The following TTF1 variants were observed in gnomAD, a reference collection of about 807,000 sequenced individuals.
TTF1 encodes the protein transcription termination factor 1.
A neutral mutation model predicts 80.2 loss-of-function variants in TTF1; 64 were observed. That is an observed-to-expected ratio of 0.80 (90% confidence interval 0.65 to 0.98). The LOEUF is 0.98. Ranked by LOEUF, TTF1 falls within the 50% of genes least tolerant of loss-of-function variation. TTF1 has a pLI of 0.00. For missense variants in TTF1, 1,023 were observed against 1,086.2 expected, an observed-to-expected ratio of 0.94 and a Z score of 0.82; for synonymous variants, 372 against 382.7, an observed-to-expected ratio of 0.97 and a Z score of 0.33.
intron 6 of TTF1, 123 bp from the exon 7 acceptor site, chr9:132,390,954 TAAAAC>T (rs1242219792): frequency 8.5e-6 from 7 of 825,448 alleles, no homozygotes; most frequent in East Asian, 2.5e-5. Context: ...TATATAGACA[TAAAAC>T]AAACACAATT....
At chr9:132,404,926 C>G (rs1849836337) in intron 1 of TTF1, among the ~76,000 whole-genome samples, 1 of 152,062 alleles carries the variant, frequency 6.6e-6, no homozygotes, top group African/African-American at 2.4e-5. Flanking sequence ...TGCTCTGTCG[C>G]CCAGGCTGGA....
At chr9:132,383,138 T>G (rs1381716280) in intron 9 of TTF1, among the ~76,000 whole-genome samples, 1 of 151,398 alleles carries the variant, frequency 6.6e-6, no homozygotes, top group Non-Finnish European at 1.5e-5. Context: ...ATTCCAGCTA[T>G]TTAGGTGGCT....
rs1187473833 is a variant in TTF1, at chr9:132,388,124, T to C, written c.2312+15A>G. ...ACAGAAACAGTTAAGAGGCATCCGT[T>C]TCTATTTTTCATACCTTTCAATAAG... On this transcript the variant is annotated intron_variant, in intron 8 of 10. Transcript: ENST00000334270. The C allele has an allele frequency of 1.3e-6, 2 of 1,599,954 alleles. No individual in the cohort carries two copies. The highest frequency in any genetic ancestry group is 1.7e-6 in the Non-Finnish European group (2 of 1,169,242).
rs139464117 is a variant in TTF1 at position 132,375,721 on chromosome 9, ATC to A, written c.*192_*193del. Reference sequence around the variant, plus strand: ...TGAGAAAAAGGGACAAGAAATAGTAATCTCTCTCTCTCATGCGGTGGTGCGAT... The same window carrying A: ...TGAGAAAAAGGGACAAGAAATAGTAATCTCTCTCTCATGCGGTGGTGCGAT... On this transcript the variant is annotated 3_prime_UTR_variant, in exon 11 of 11. Transcript: ENST00000334270. The A allele has an allele frequency of 3.5e-4, 178 of 515,018 alleles. 1 individual carries two copies. The highest frequency in any genetic ancestry group is 5.3e-4 in the Non-Finnish European group (153 of 289,024). The allele number at this position is 515,018 out of a possible 1,614,324, so 31.9% of individuals were successfully genotyped here.
intron 1 of TTF1, among the ~76,000 whole-genome samples, chr9:132,405,072 A>G (rs1849840839): frequency 6.6e-6 from 1 of 151,936 alleles, no homozygotes. Context: ...ATTTTTTAGT[A>G]GAGACGGAGT....
intron 5 of TTF1, among the ~76,000 whole-genome samples, chr9:132,394,847 C>T (rs1227944724): frequency 4.7e-5 from 7 of 149,290 alleles, no homozygotes; most frequent in African/African-American, 9.9e-5. Context: ...GAGCCGAGTT[C>T]GCACCACTGC....
intron 1 of TTF1, among the ~76,000 whole-genome samples, chr9:132,403,874 T>C (rs1849812782): frequency 6.6e-6 from 1 of 152,200 alleles, no homozygotes; most frequent in African/African-American, 2.4e-5. Context: ...GGATATGCCT[T>C]GTTAGTGTCC....
At chr9:132,380,821 C>G (rs1409793082) in intron 9 of TTF1, among the ~76,000 whole-genome samples, 2 of 152,168 alleles carry the variant, frequency 1.3e-5, no homozygotes, top group Non-Finnish European at 2.9e-5. Flanking sequence ...TAATCTCTAT[C>G]TTAGAGTTTT....
chr9:132,393,927 T>C (rs1446027952), intron 5 of TTF1, among the ~76,000 whole-genome samples: 1 of 152,048 alleles, frequency 6.6e-6, no homozygotes, highest in East Asian at 1.9e-4. Flanking sequence ...AATTTCTTTT[T>C]TTTTTTTTCT....
At chr9:132,385,019 C>A (rs1232548405) in intron 9 of TTF1, among the ~76,000 whole-genome samples, 1 of 152,204 alleles carries the variant, frequency 6.6e-6, no homozygotes, top group African/African-American at 2.4e-5. Context: ...CAAAATCAAA[C>A]TGAACAGTCA....
intron 9 of TTF1, among the ~76,000 whole-genome samples, chr9:132,385,628 G>A (rs891323804): frequency 1.3e-5 from 2 of 152,128 alleles, no homozygotes; most frequent in African/African-American, 2.4e-5. Context: ...CCCTGCCACC[G>A]CTTCTGCTTC....
At chr9:132,392,338 T>C in intron 5 of TTF1, 132 bp from the exon 6 acceptor site, 1 of 1,043,716 alleles carries the variant, frequency 9.6e-7, no homozygotes, top group Non-Finnish European at 1.4e-6. Context: ...GTCACAGCCC[T>C]CTTCACTTCC....
intron 10 of TTF1, among the ~76,000 whole-genome samples, chr9:132,377,797 TGTGCATGTGGTGTGA>T (rs1279630486): frequency 1.4e-4 from 16 of 116,094 alleles, no homozygotes; most frequent in Admixed American, 8.1e-4. Context: ...ATGTGGTGTG[TGTGCATGTGGTGTGA>T]GTGCATGTGG....
Position 132,400,174 on chromosome 9 carries a change from G to A in TTF1, c.1452C>T (p.Ala484=), listed in dbSNP as rs199954975. 72 of 1,614,040 alleles carry A rather than the reference G, an allele frequency of 4.5e-5. No individual in the cohort carries two copies. Among genetic ancestry groups the A allele is most frequent in the Admixed American group, 2.8e-4 (17 of 60,004 alleles). Reference sequence around the variant, plus strand: ...AACCCAAATCCGCATCTGAATCATCGGCATCTCCTGAATCTGCAGATAAGT... The same window carrying A: ...AACCCAAATCCGCATCTGAATCATCAGCATCTCCTGAATCTGCAGATAAGT... ...IRYLSADSGD[A]DDSDADLGSA... is the part of the protein sequence containing the mutation. Residue 484 remains alanine, a synonymous_variant, in exon 3 of 11, where the codon GCC becomes GCT. Transcript: ENST00000334270.
At chr9:132,392,485 G>C (rs547286251) in intron 5 of TTF1, among the ~76,000 whole-genome samples, 1 of 152,118 alleles carries the variant, frequency 6.6e-6, no homozygotes, top group East Asian at 1.9e-4. Context: ...TGGTGGAAAC[G>C]GCCTTCCTCC....
At chr9:132,393,709 C>T (rs1431437282) in intron 5 of TTF1, among the ~76,000 whole-genome samples, 1 of 152,192 alleles carries the variant, frequency 6.6e-6, no homozygotes, top group Non-Finnish European at 1.5e-5. Context: ...TCCTCTAGCA[C>T]CGCTGGGTTA....
chr9:132,394,672 C>T (rs1849615236), intron 5 of TTF1, among the ~76,000 whole-genome samples: 1 of 151,884 alleles, frequency 6.6e-6, no homozygotes. Flanking sequence ...GCAGGAGGAT[C>T]ACTTGAGGTC....
rs532226839 is a variant in TTF1, at chr9:132,401,380, T to C, written c.1367+75A>G. ...AAAATTAAAAATAAAAAAAAGTCTG[T>C]GCTAAATAAAGAGGTATCGGCAGAA... is the stretch of plus-strand genomic sequence containing the variant. On this transcript the variant is annotated intron_variant, in intron 2 of 10. Coordinates refer to ENST00000334270, the MANE Select transcript of TTF1 (RefSeq NM_007344.4). 23 of 1,333,852 alleles carry C rather than the reference T, an allele frequency of 1.7e-5. No individual in the cohort carries two copies. The East Asian group carries it at 2.5e-4, about 14-fold the overall frequency. The allele number at this position is 1,333,852 out of a possible 1,614,324, so 82.6% of individuals were successfully genotyped here.
rs1206772471 is a variant in TTF1, at chr9:132,375,649, A to G, written c.*266T>C. The G allele has an allele frequency of 3.2e-6, 1 of 313,794 alleles. No homozygotes were observed. Among genetic ancestry groups the G allele is most frequent in the Non-Finnish European group, 6.0e-6 (1 of 167,248 alleles). The allele number at this position is 313,794 out of a possible 1,614,324, so 19.4% of individuals were successfully genotyped here. The stretch of plus-strand genomic sequence containing the variant: ...ATTGTACATTCTTTATTAAACATCA[A>G]TACTGAAAACAGATTTACTGACATA... On this transcript the variant is annotated 3_prime_UTR_variant, in exon 11 of 11. Transcript: ENST00000334270.
Sources: allele counts gnomAD v4.1 joint callset (sites outside exome capture counted in the v4.1 genomes callset), GRCh38; gene constraint gnomAD v4.1.1; transcripts MANE v1.5; gene names NCBI Gene and HGNC (gene_info 2026-07-23, HGNC 2026-07-21).